The following BBS9 variants were observed in gnomAD, a reference collection of about 807,000 sequenced individuals.
BBS9 encodes the protein Bardet-Biedl syndrome 9.
A neutral mutation model predicts 117.7 loss-of-function variants in BBS9; 89 were observed. The ratio of observed to expected loss-of-function variants is 0.76; its 90% CI spans 0.64 to 0.90. BBS9 has a LOEUF of 0.90. Among genes scored for constraint, BBS9 ranks in the 40% least tolerant of loss-of-function variants. The pLI is 0.00. For synonymous variants in BBS9, 379 were observed against 370.9 expected (o/e 1.02, Z -0.25); for missense variants, 982 against 1,042.2 (o/e 0.94, Z 0.80).
At chr7:33,612,064 A>G (rs1317192407) in intron 21 of BBS9, among the ~76,000 whole-genome samples, 2 of 151,304 alleles carry the variant, frequency 1.3e-5, no homozygotes, top group Non-Finnish European at 2.9e-5. Flanking sequence ...TTGTGTAGAA[A>G]TAGTTAACAG....
At chr7:33,138,228 A>G (rs1230542284) in intron 1 of BBS9, among the ~76,000 whole-genome samples, 1 of 147,110 alleles carries the variant, frequency 6.8e-6, no homozygotes, top group African/African-American at 2.4e-5. Flanking sequence ...GGCCTCTCCT[A>G]TAAAATGAGA....
intron 5 of BBS9, among the ~76,000 whole-genome samples, chr7:33,233,185 C>T (rs1861298): frequency 0.15 from 22,799 of 151,922 alleles, 1,994 homozygotes; most frequent in South Asian, 0.23. Flanking sequence ...GTTTGGGTGG[C>T]TATTGGTGAT....
chr7:33,592,534 GCCTGGGAATGAGT>G (rs1473221962), intron 21 of BBS9, among the ~76,000 whole-genome samples: 1 of 152,026 alleles, frequency 6.6e-6, no homozygotes, highest in Non-Finnish European at 1.5e-5. Context: ...TAGTAGAGTT[GCCTGGGAATGAGT>G]CCTGAGTGTT....
At chr7:33,588,153 A>G (rs1399408867) in intron 21 of BBS9, among the ~76,000 whole-genome samples, 1 of 152,060 alleles carries the variant, frequency 6.6e-6, no homozygotes, top group Non-Finnish European at 1.5e-5. Context: ...TCTGGGGTGG[A>G]CATTTTGTTG....
At chr7:33,231,298 C>T (rs1792340629) in intron 5 of BBS9, among the ~76,000 whole-genome samples, 1 of 152,084 alleles carries the variant, frequency 6.6e-6, no homozygotes, top group African/African-American at 2.4e-5. Context: ...GCCACTGTGC[C>T]TGGCTCCAGC....
At chr7:33,454,826 C>T (rs1838399468) in intron 19 of BBS9, among the ~76,000 whole-genome samples, 1 of 152,110 alleles carries the variant, frequency 6.6e-6, no homozygotes. Flanking sequence ...AGGGAAGGTG[C>T]AGTCTCTTTG....
intron 21 of BBS9, among the ~76,000 whole-genome samples, chr7:33,550,601 G>A (rs1854254390): frequency 6.6e-6 from 1 of 151,986 alleles, no homozygotes. Flanking sequence ...GAACTGTCAT[G>A]CTGAATGAAG....
At chr7:33,307,603 G>A (rs1281998837) in intron 9 of BBS9, among the ~76,000 whole-genome samples, 17 of 151,918 alleles carry the variant, frequency 1.1e-4, no homozygotes, top group African/African-American at 2.4e-5. Flanking sequence ...AAGTGGCATA[G>A]TGTTTGCTTA....
intron 21 of BBS9, among the ~76,000 whole-genome samples, chr7:33,534,992 C>T (rs1225171994): frequency 6.6e-6 from 1 of 152,152 alleles, no homozygotes; most frequent in Non-Finnish European, 1.5e-5. Flanking sequence ...TTCTTTACTT[C>T]CCCGCCCCCA....
At chr7:33,615,994 A>G (rs1865109170) in intron 21 of BBS9, among the ~76,000 whole-genome samples, 1 of 152,076 alleles carries the variant, frequency 6.6e-6, no homozygotes, top group Admixed American at 6.6e-5. Flanking sequence ...TTCTCAAACA[A>G]ACAAAACTGA....
At chr7:33,137,697 A>C (rs1790740459) in intron 1 of BBS9, among the ~76,000 whole-genome samples, 1 of 152,034 alleles carries the variant, frequency 6.6e-6, no homozygotes, top group South Asian at 2.1e-4. Flanking sequence ...TTGGGAAACA[A>C]ATGATGACTA....
At chr7:33,183,470 A>G (rs1276650318) in intron 5 of BBS9, among the ~76,000 whole-genome samples, 3 of 152,220 alleles carry the variant, frequency 2.0e-5, no homozygotes, top group Non-Finnish European at 4.4e-5. Flanking sequence ...TCCTTAAAAA[A>G]AATTCCTTAT....
At chr7:33,324,634 C>CT (rs1812470239) in intron 9 of BBS9, among the ~76,000 whole-genome samples, 1 of 150,124 alleles carries the variant, frequency 6.7e-6, no homozygotes, top group Non-Finnish European at 1.5e-5. Flanking sequence ...GAAGAACTCC[C>CT]TTTAGCATTT....
At chr7:33,219,677 GT>G (rs1789834619) in intron 5 of BBS9, among the ~76,000 whole-genome samples, 2 of 152,124 alleles carry the variant, frequency 1.3e-5, no homozygotes, top group South Asian at 4.1e-4. Context: ...GAGAACCTTT[GT>G]GTCTAGCTCA....
At chr7:33,326,932 C>CT (rs1584337981) in intron 9 of BBS9, among the ~76,000 whole-genome samples, 3 of 151,794 alleles carry the variant, frequency 2.0e-5, no homozygotes, top group Non-Finnish European at 4.4e-5. Flanking sequence ...GAGCTGTGCA[C>CT]TACTTTGCTG....
At chr7:33,589,911 A>G (rs530239157) in intron 21 of BBS9, among the ~76,000 whole-genome samples, 54 of 152,254 alleles carry the variant, frequency 3.5e-4, no homozygotes, top group African/African-American at 1.3e-3. Context: ...ATGAGGACCA[A>G]AAACTGAGTG....
At chr7:33,386,017 A>T (rs1825940523) in intron 18 of BBS9, among the ~76,000 whole-genome samples, 1 of 152,144 alleles carries the variant, frequency 6.6e-6, no homozygotes, top group South Asian at 2.1e-4. Flanking sequence ...GCATTAGGAG[A>T]TATACCTAAC....
At chr7:33,222,759 C>T (rs748307569) in intron 5 of BBS9, among the ~76,000 whole-genome samples, 6 of 151,404 alleles carry the variant, frequency 4.0e-5, no homozygotes, top group Admixed American at 3.9e-4. Context: ...ACCAGCCTGC[C>T]AAAATTGGTT....
At chr7:33,322,402 G>A (rs1420083366) in intron 9 of BBS9, among the ~76,000 whole-genome samples, 5 of 125,952 alleles carry the variant, frequency 4.0e-5, no homozygotes, top group Non-Finnish European at 6.5e-5. Context: ...TTTTATTATG[G>A]CATCAATCTC....
Sources: allele counts gnomAD v4.1 joint callset (sites outside exome capture counted in the v4.1 genomes callset), GRCh38; gene constraint gnomAD v4.1.1; transcripts MANE v1.5; gene names NCBI Gene and HGNC (gene_info 2026-07-23, HGNC 2026-07-21).